TREML1: variants seen among roughly 807,000 people sequenced by gnomAD.
TREML1 encodes the protein triggering receptor expressed on myeloid cells like 1.
In TREML1, 27 loss-of-function variants were observed where a neutral mutation model predicts 22.8. The ratio of observed to expected loss-of-function variants is 1.19; its 90% CI spans 0.87 to 1.64. The LOEUF (loss-of-function observed/expected upper bound fraction) is 1.64, where lower values mean the gene tolerates loss of function less well. Ranked by LOEUF, TREML1 falls within the 40% of genes most tolerant of loss-of-function variation. The probability of loss-of-function intolerance (pLI) is 0.00; values close to 1 mark genes in which losing one functional copy is unlikely to be tolerated. For synonymous variants in TREML1, 153 were observed against 161.9 expected, an observed-to-expected ratio of 0.94 and a Z score of 0.42; for missense variants, 356 against 382.0, an observed-to-expected ratio of 0.93 and a Z score of 0.57.
rs1261212896 is a variant in TREML1 at position 41,149,676 on chromosome 6, TC to T, written c.863del (p.Gly288GlufsTer31). On this transcript the variant is annotated frameshift_variant, in exon 6 of 6. Transcript: ENST00000426005. LOFTEE classifies it high-confidence loss of function. ...PVTYATVIFP[G>X]GNKGGGTSCG... ...ACGAGGTCCCTCCACCCTTGTTCCC[TC>T]CCGGGAAGATTACTGTGGCATATGT... 2 of 1,614,068 alleles carry T rather than the reference TC, an allele frequency of 1.2e-6. No individual in the cohort carries two copies. Among genetic ancestry groups the T allele is most frequent in the South Asian group, 2.2e-5 (2 of 91,076 alleles).
At chr6:41,150,626 A>G (rs1765220658) in intron 4 of TREML1, among the ~76,000 whole-genome samples, 193 bp downstream of exon 4, 1 of 151,664 alleles carries the variant, frequency 6.6e-6, no homozygotes, top group Non-Finnish European at 1.5e-5. Flanking sequence ...CTTTCTGCAG[A>G]CTGCTCCCAT....
In TREML1 at chr6:41,149,771, G is replaced by T; in HGVS notation, c.769C>A (p.Pro257Thr). The change falls in exon 6 of 6, where the codon CCT (proline) becomes ACT (threonine). Residue 257 changes from proline (P) to threonine (T), a missense_variant. Physicochemically the swap from Pro to Thr is conservative, Grantham distance 38. Transcript: ENST00000426005. The stretch of plus-strand genomic sequence containing the variant: ...AATGAGGATGGAGCTGGGAGTGAAG[G>T]TTTTCCTGATGGGGAATCAAGAGGT... ...SLPLDSPSGK[P>T]SLPAPSSLPP... The T allele has an allele frequency of 6.2e-7, 1 of 1,614,180 alleles. No homozygotes were observed. The highest frequency in any genetic ancestry group is 1.1e-5 in the South Asian group (1 of 91,088).
At chr6:41,153,654 T>C (rs1163949990) in intron 2 of TREML1, 104 bp downstream of exon 2, 1 of 1,182,568 alleles carries the variant, frequency 8.5e-7, no homozygotes, top group Non-Finnish European at 1.2e-6. Context: ...TTGGAATGCC[T>C]CCTCCCCAGG....
At chr6:41,152,723 A>C (rs1362056209) in intron 2 of TREML1, among the ~76,000 whole-genome samples, 1 of 152,000 alleles carries the variant, frequency 6.6e-6, no homozygotes. Flanking sequence ...AAATACAAAA[A>C]TTAGCTGGGC....
At position 41,150,948 on chromosome 6, in the gene TREML1, C is replaced by G. The variant is rs146319081; in HGVS notation, c.480-41G>C. 4.3e-4 allele frequency: 681 copies of G among 1,565,616 alleles called. 2 individuals carry two copies. In the African/African-American group the frequency reaches 8.4e-3, roughly 19 times the overall value. On this transcript the variant is annotated intron_variant, in intron 3 of 5. Transcript: ENST00000426005. Reference sequence around the variant, plus strand: ...GGATAGGCAGGCTTAGACCTGAAGCCTGTGGGGAGCTGCTGGCCAGGAGCC... The same window carrying G: ...GGATAGGCAGGCTTAGACCTGAAGCGTGTGGGGAGCTGCTGGCCAGGAGCC...
At position 41,154,014 on chromosome 6, in the gene TREML1, G is replaced by T. The variant is rs777476176; in HGVS notation, c.120C>A (p.Tyr40Ter). ...VGSSILVQCH[Y>*]RLQDVKAQKV... ...TCTGAGCTTTGACATCCTGGAGCCT[G>T]TAGTGGCACTGCACCAGAATGGAGC... Residue 40 changes from tyrosine to a stop codon, truncating the protein, a stop_gained, in exon 2 of 6, where the codon TAC becomes TAA. Transcript: ENST00000426005. LOFTEE classifies it high-confidence loss of function. 7 of 1,614,186 alleles carry T rather than the reference G, an allele frequency of 4.3e-6. No homozygotes were observed. Among genetic ancestry groups the T allele is most frequent in the Non-Finnish European group, 3.4e-6 (4 of 1,180,032 alleles).
intron 1 of TREML1, 76 bp from the exon 2 acceptor site, chr6:41,154,166 G>T: frequency 6.3e-7 from 1 of 1,587,074 alleles, no homozygotes; most frequent in Non-Finnish European, 8.6e-7. Context: ...GTATGGGTGT[G>T]GCATTCACAA....
chr6:41,149,887 T>G lies in TREML1; in HGVS notation c.653A>C (p.Asp218Ala). ...NPSSVVHHVS[D>A]SGPAAELPLD... The stretch of plus-strand genomic sequence containing the variant: ...AGGCAATTCAGCAGCCGGTCCAGAG[T>G]CACTGACGTGGTGGACCACTGAGGA... The change falls in exon 6 of 6, where the codon GAC (aspartate) becomes GCC (alanine). Residue 218 changes from aspartate to alanine, a missense_variant. Asp to Ala is a moderately radical substitution (Grantham distance 126). Coordinates refer to ENST00000426005, the MANE Select transcript of TREML1 (RefSeq NM_178174.4). 1 of 1,613,866 alleles carries G rather than the reference T, an allele frequency of 6.2e-7. No individual in the cohort carries two copies. The highest frequency in any genetic ancestry group is 8.5e-7 in the Non-Finnish European group (1 of 1,179,922).
At chr6:41,155,375 T>TCTCTCTCTCTC (rs1765393079), upstream of TREML1, among the ~76,000 whole-genome samples, 8 of 136,830 alleles carry the variant, frequency 5.8e-5, no homozygotes, top group African/African-American at 2.1e-4. Flanking sequence ...GAGTAAACGT[T>TCTCTCTCTCTC]TCTCTCTCTC....
upstream of TREML1, among the ~76,000 whole-genome samples, chr6:41,155,403 C>CTCTCTCTCTCTCTCTCTG (rs1195770281): frequency 6.6e-6 from 1 of 151,688 alleles, no homozygotes. Context: ...CTCTCTCTCT[C>CTCTCTCTCTCTCTCTCTG]TCTTCCAGAG....
intron 4 of TREML1, 59 bp downstream of exon 4, chr6:41,150,760 C>T: frequency 5.3e-6 from 8 of 1,511,314 alleles, no homozygotes; most frequent in Admixed American, 1.7e-5. Flanking sequence ...GCCTCATCTG[C>T]ACAACTGGTT....
At chr6:41,154,418 G>A, upstream of TREML1, 4 of 745,314 alleles carry the variant, frequency 5.4e-6, no homozygotes, top group Non-Finnish European at 9.1e-6. Flanking sequence ...ACCTCCAGGG[G>A]TGGGGAAAGG....
At position 41,153,758 on chromosome 6, in the gene TREML1, C is replaced by T; in HGVS notation, c.376G>A (p.Glu126Lys). ...TGGTAGCTGGCCTAGGATAACTCAC[C>T]TGGGGGCAGTATGTTCAGAGAGACT... ...HRVSLNILPP[E>K]EEEETHKIGS... Residue 126 changes from glutamate to lysine, a missense_variant and splice_region_variant, in exon 2 of 6, where the codon GAG (glutamate) becomes AAG (lysine). Physicochemically the swap from Glu to Lys is moderately conservative, Grantham distance 56 (BLOSUM62 1). Transcript: ENST00000426005. The T allele has an allele frequency of 6.2e-7, 1 of 1,601,676 alleles. No individual in the cohort carries two copies. The highest frequency in any genetic ancestry group is 8.5e-7 in the Non-Finnish European group (1 of 1,172,906).
At chr6:41,151,048 G>C (rs1358692637) in intron 3 of TREML1, 141 bp from the exon 4 acceptor site, 3 of 770,806 alleles carry the variant, frequency 3.9e-6, no homozygotes, top group East Asian at 5.3e-5. Flanking sequence ...GCTGACTGAG[G>C]TAGGGCAGAA....
rs1481814092 is a variant in TREML1 at position 41,149,584 on chromosome 6, T to C, written c.*20A>G. On this transcript the variant is annotated 3_prime_UTR_variant, in exon 6 of 6. Transcript: ENST00000426005. ...AACCCCTAGGGATGGTCCTCATGAG[T>C]TTAAAGTGTGATGAGCAGCTTAGCT... is the stretch of plus-strand genomic sequence containing the variant. 2 of 1,593,092 alleles carry C rather than the reference T, an allele frequency of 1.3e-6. No individual in the cohort carries two copies. The highest frequency in any genetic ancestry group is 1.7e-6 in the Non-Finnish European group (2 of 1,167,652).
At chr6:41,151,550 G>C (rs1475481866) in intron 2 of TREML1, 166 bp from the exon 3 acceptor site, 5 of 617,468 alleles carry the variant, frequency 8.1e-6, no homozygotes, top group Non-Finnish European at 8.7e-6. Flanking sequence ...GTTCTTTAGG[G>C]GCCTGTCACT....
In TREML1 at chr6:41,150,817, A is replaced by G; in HGVS notation, c.568+2T>C. 1 of 1,613,620 alleles carries G rather than the reference A, an allele frequency of 6.2e-7. No individual in the cohort carries two copies. Among genetic ancestry groups the G allele is most frequent in the Non-Finnish European group, 8.5e-7 (1 of 1,179,676 alleles). Reference sequence around the variant, plus strand: ...GGCTGAGATAGGAAGATAGCCACCTACCTTGTTTCCTCTTGGCCATCACAG... The same window carrying G: ...GGCTGAGATAGGAAGATAGCCACCTGCCTTGTTTCCTCTTGGCCATCACAG... On this transcript the variant is annotated splice_donor_variant, in intron 4 of 5. Coordinates refer to ENST00000426005, the MANE Select transcript of TREML1 (RefSeq NM_178174.4). LOFTEE classifies it high-confidence loss of function.
rs1041515038 is a variant in TREML1, at chr6:41,150,445, A to C, written c.569-132T>G. 3.8e-5 allele frequency: 30 copies of C among 795,130 alleles called. No homozygotes were observed. The African/African-American group carries it at 4.7e-4, about 12-fold the overall frequency. The allele number at this position is 795,130 out of a possible 1,614,324, so 49.3% of individuals were successfully genotyped here. On this transcript the variant is annotated intron_variant, in intron 4 of 5. Coordinates refer to ENST00000426005, the MANE Select transcript of TREML1 (RefSeq NM_178174.4). ...CTCACCTTCCCCACTCCCACCACCAAACCTTTACCCCTTCCATCTCCCCAG... is the reference window on the plus strand; with the variant it reads ...CTCACCTTCCCCACTCCCACCACCACACCTTTACCCCTTCCATCTCCCCAG...
At position 41,154,257 on chromosome 6, in the gene TREML1, A is replaced by C; in HGVS notation, c.32T>G (p.Leu11Arg). ...CTCCTGAACCTTACCTTCTAGTCCC[A>C]GGAGCAGCAGCAAGAGCAGGGTGAG... Reference protein sequence around the residue: MGLTLLLLLLLGLEGQGIVGS... With the variant: MGLTLLLLLLRGLEGQGIVGS... Residue 11 changes from leucine (L) to arginine (R), a missense_variant, in exon 1 of 6, where the codon CTG (leucine) becomes CGG (arginine). Transcript: ENST00000426005. The C allele has an allele frequency of 1.2e-6, 2 of 1,614,076 alleles. No homozygotes were observed. The highest frequency in any genetic ancestry group is 2.7e-5 in the African/African-American group (2 of 75,070).
Sources: gnomAD v4.1 joint callset for allele counts (sites outside exome capture counted in the v4.1 genomes callset) on GRCh38, gnomAD v4.1.1 for gene constraint, MANE v1.5 for transcripts, NCBI Gene and HGNC (gene_info 2026-07-23, HGNC 2026-07-21) for gene names.